Variants in ZNF727 observed in about 807,000 individuals in gnomAD.
ZNF727 encodes the protein putative zinc finger protein 727.
A neutral mutation model predicts 11.5 loss-of-function variants in ZNF727; 11 were observed. The ratio of observed to expected loss-of-function variants is 0.95; its 90% CI spans 0.60 to 1.58. ZNF727 has a LOEUF of 1.58. ZNF727 is among the 40% of genes most tolerant of loss of function. ZNF727 has a pLI of 0.00. For synonymous variants in ZNF727, 171 were observed against 196.1 expected, an observed-to-expected ratio of 0.87 and a Z score of 1.07; for missense variants, 533 against 581.7, an observed-to-expected ratio of 0.92 and a Z score of 0.86.
At chr7:64,057,476 T>G (rs542555219) in intron 1 of ZNF727, among the ~76,000 whole-genome samples, 24 of 152,260 alleles carry the variant, frequency 1.6e-4, no homozygotes, top group Admixed American at 5.9e-4. Flanking sequence ...AAACACTGCA[T>G]GCTCTCATAC....
chr7:64,073,133 T>A (rs1179168694), intron 3 of ZNF727, among the ~76,000 whole-genome samples: 1 of 152,094 alleles, frequency 6.6e-6, no homozygotes, highest in African/African-American at 2.4e-5. Context: ...GGTAGCATTT[T>A]TTTTTCATCA....
At chr7:64,048,052 CAT>C (rs1257508116) in intron 1 of ZNF727, among the ~76,000 whole-genome samples, 31 of 152,184 alleles carry the variant, frequency 2.0e-4, no homozygotes, top group Admixed American at 1.7e-3. Flanking sequence ...GTGATTGACA[CAT>C]GAGTCTAAAA....
intron 1 of ZNF727, among the ~76,000 whole-genome samples, chr7:64,060,062 T>A (rs1337276772): frequency 6.6e-6 from 1 of 152,168 alleles, no homozygotes; most frequent in African/African-American, 2.4e-5. Context: ...AATTTAAATT[T>A]TCATTGAATA....
rs1005462010 is a variant in ZNF727, at chr7:64,047,375, G to C, written c.3+1751G>C. Among the ~76,000 whole-genome samples, 4 of 152,194 alleles carry C rather than the reference G, an allele frequency of 2.6e-5. No homozygotes were observed. In the South Asian group the frequency reaches 6.2e-4, roughly 24 times the overall value. ...TAGGTGGCTCTTTTTAATTTCGTCT[G>C]TTCGTGAACATTTCACATAACAGGA... On this transcript the variant is annotated intron_variant, in intron 1 of 3. Transcript: ENST00000456806.
At chr7:64,052,786 G>A (rs1789623559) in intron 1 of ZNF727, among the ~76,000 whole-genome samples, 1 of 152,226 alleles carries the variant, frequency 6.6e-6, no homozygotes, top group Non-Finnish European at 1.5e-5. Flanking sequence ...CTCACTTCTT[G>A]CATCAGTGTG....
At position 64,083,186 on chromosome 7, in the gene ZNF727, C is replaced by G. The variant is rs1442536049; in HGVS notation, c.*4637C>G. Among the ~76,000 whole-genome samples the G allele has an allele frequency of 1.3e-5, 2 of 152,316 alleles. No homozygotes were observed. Among genetic ancestry groups the G allele is most frequent in the Admixed American group, 1.3e-4 (2 of 15,306 alleles). ...GCTTTAACAGACAGTCTGGCCATGT[C>G]TTTTTAGAGCGCCTGTACTGTGCTA... On this transcript the variant is annotated 3_prime_UTR_variant, in exon 4 of 4. Transcript: ENST00000456806.
intron 3 of ZNF727, 118 bp downstream of exon 3, chr7:64,069,727 G>A (rs80344535): frequency 0.02 from 16,370 of 819,720 alleles, 1,137 homozygotes; most frequent in East Asian, 0.2. Context: ...TTTCTGAGAA[G>A]CCTTCATTTC....
At chr7:64,057,400 T>C (rs1789701753) in intron 1 of ZNF727, among the ~76,000 whole-genome samples, 1 of 152,308 alleles carries the variant, frequency 6.6e-6, no homozygotes. Flanking sequence ...GATCATGTTC[T>C]TGACAAGGAC....
At chr7:64,058,913 T>G (rs1459535475) in intron 1 of ZNF727, among the ~76,000 whole-genome samples, 2 of 152,054 alleles carry the variant, frequency 1.3e-5, no homozygotes, top group Admixed American at 1.3e-4. Context: ...TTGACTTTCA[T>G]TATAGATTAA....
rs965558072 is a variant in ZNF727 at position 64,082,511 on chromosome 7, T to C, written c.*3962T>C. Reference sequence around the variant, plus strand: ...CCGGTTTCCAGCCCCAAAGCAACTGTAGGAGGTAGCTGGAAACCCCTGTTG... The same window carrying C: ...CCGGTTTCCAGCCCCAAAGCAACTGCAGGAGGTAGCTGGAAACCCCTGTTG... On this transcript the variant is annotated 3_prime_UTR_variant, in exon 4 of 4. Transcript: ENST00000456806. Among the ~76,000 whole-genome samples the C allele has an allele frequency of 6.6e-6, 1 of 152,184 alleles. No individual in the cohort carries two copies. The highest frequency in any genetic ancestry group is 1.5e-5 in the Non-Finnish European group (1 of 68,032).
At chr7:64,060,357 A>G (rs1057185442) in intron 1 of ZNF727, among the ~76,000 whole-genome samples, 17 of 152,220 alleles carry the variant, frequency 1.1e-4, no homozygotes, top group African/African-American at 4.1e-4. Context: ...GGATATAAAC[A>G]CAGAGATACG....
At position 64,058,950 on chromosome 7, in the gene ZNF727, C is replaced by CTTT. The variant is rs560995822; in HGVS notation, c.4-9931_4-9929dup. Among the ~76,000 whole-genome samples, 238 of 145,352 alleles carry CTTT rather than the reference C, an allele frequency of 1.6e-3. 5 individuals carry two copies. The highest frequency in any genetic ancestry group is 3.3e-3 in the South Asian group (15 of 4,610). ...CTATTGCTTATGGCTATTGCATTGT[C>CTTT]TTTTTTTTTTTTGAGACGGAGTCTC... is the stretch of plus-strand genomic sequence containing the variant. On this transcript the variant is annotated intron_variant, in intron 1 of 3. Coordinates refer to ENST00000456806, the MANE Select transcript of ZNF727 (RefSeq NM_001159522.3).
At chr7:64,048,075 C>G (rs191659138) in intron 1 of ZNF727, among the ~76,000 whole-genome samples, 8 of 152,222 alleles carry the variant, frequency 5.3e-5, no homozygotes, top group Admixed American at 5.2e-4. Flanking sequence ...CATCTGTGTT[C>G]CAGTCAGCAC....
At chr7:64,061,740 G>A (rs986522273) in intron 1 of ZNF727, among the ~76,000 whole-genome samples, 3 of 151,616 alleles carry the variant, frequency 2.0e-5, no homozygotes, top group African/African-American at 7.3e-5. Context: ...TTGTTTTGTA[G>A]TATCTTCTCT....
chr7:64,062,782 G>T (rs1360731716), intron 1 of ZNF727, among the ~76,000 whole-genome samples: 2 of 144,430 alleles, frequency 1.4e-5, no homozygotes, highest in Non-Finnish European at 3.0e-5. Context: ...ATAACTTTTA[G>T]AATTGCCCTC....
rs1322505464 is a variant in ZNF727 at position 64,063,024 on chromosome 7, G to C, written c.4-5867G>C. ...TTCCGAATTTCTTATTTTTTTTGTT[G>C]TTATTTTGAATTTTGCTGAGCTTTT... On this transcript the variant is annotated intron_variant, in intron 1 of 3. Coordinates refer to ENST00000456806, the MANE Select transcript of ZNF727 (RefSeq NM_001159522.3). Among the ~76,000 whole-genome samples, 5 of 151,344 alleles carry C rather than the reference G, an allele frequency of 3.3e-5. No individual in the cohort carries two copies. The East Asian group carries it at 9.8e-4, about 30-fold the overall frequency.
chr7:64,069,125 A>C (rs1416408933), intron 2 of ZNF727, 108 bp downstream of exon 2: 15 of 1,272,386 alleles, frequency 1.2e-5, no homozygotes, highest in Admixed American at 3.2e-5. Flanking sequence ...ATCCTGCTTC[A>C]AAAAGAAAAA....
Position 64,079,833 on chromosome 7 carries a change from T to A in ZNF727, c.*1284T>A, listed in dbSNP as rs1785755483. ...CTTATTTAGGGCTTTCTTCAGAAGATCTTTTAAGGCAGGTCTTGTGGTAAC... is the reference window on the plus strand; with the variant it reads ...CTTATTTAGGGCTTTCTTCAGAAGAACTTTTAAGGCAGGTCTTGTGGTAAC... On this transcript the variant is annotated 3_prime_UTR_variant, in exon 4 of 4. Transcript: ENST00000456806. Among the ~76,000 whole-genome samples the A allele has an allele frequency of 5.3e-5, 8 of 152,350 alleles. No homozygotes were observed. In the South Asian group the frequency reaches 1.7e-3, roughly 32 times the overall value.
Position 64,066,690 on chromosome 7 carries a change from A to G in ZNF727, c.4-2201A>G, listed in dbSNP as rs539581283. On this transcript the variant is annotated intron_variant, in intron 1 of 3. Coordinates refer to ENST00000456806, the MANE Select transcript of ZNF727 (RefSeq NM_001159522.3). Reference sequence around the variant, plus strand: ...AGACTTAAAGGTAAAACCTAAAACCATAAAAACCCTAGAAGAAAACTGAGG... The same window carrying G: ...AGACTTAAAGGTAAAACCTAAAACCGTAAAAACCCTAGAAGAAAACTGAGG... 5.3e-5 allele frequency among the ~76,000 whole-genome samples: 8 copies of G among 152,344 alleles called. No homozygotes were observed. In the South Asian group the frequency reaches 1.0e-3, roughly 20 times the overall value.
Sources: gnomAD v4.1 joint callset for allele counts (sites outside exome capture counted in the v4.1 genomes callset) on GRCh38, gnomAD v4.1.1 for gene constraint, MANE v1.5 for transcripts, NCBI Gene and HGNC (gene_info 2026-07-23, HGNC 2026-07-21) for gene names.